Variants in GALNT10 observed in about 807,000 individuals in gnomAD.
GALNT10 encodes the protein GalNAc transferase 10.
GALNT10 carries 41 observed loss-of-function variants against 75.0 expected under a neutral mutation model. The observed-to-expected ratio is 0.55, with a 90% CI of 0.43 to 0.71. The LOEUF (loss-of-function observed/expected upper bound fraction) is 0.71. Among genes scored for constraint, GALNT10 ranks in the 30% least tolerant of loss-of-function variants. The pLI is 0.00. For missense variants in GALNT10, 727 were observed against 818.5 expected, an observed-to-expected ratio of 0.89 and a Z score of 1.36; for synonymous variants, 302 against 313.0, an observed-to-expected ratio of 0.96 and a Z score of 0.37.
At chr5:154,204,971 T>A (rs1775084472) in intron 1 of GALNT10, among the ~76,000 whole-genome samples, 1 of 152,244 alleles carries the variant, frequency 6.6e-6, no homozygotes, top group African/African-American at 2.4e-5. Context: ...ATTTGTTGAA[T>A]TAATGAATGA....
intron 1 of GALNT10, among the ~76,000 whole-genome samples, chr5:154,233,165 A>G (rs1371636010): frequency 6.6e-6 from 1 of 152,174 alleles, no homozygotes; most frequent in East Asian, 1.9e-4. Context: ...TGCTTAAAGG[A>G]CATTGTTAAT....
Position 154,293,118 on chromosome 5 carries a change from T to C in GALNT10, c.160-1698T>C, listed in dbSNP as rs568421642. ...CTGTTATAAAGATGTTGAGCCATTG[T>C]GGAAAACCTGCTAACACAGGGATCA... On this transcript the variant is annotated intron_variant, in intron 1 of 11. Transcript: ENST00000297107. 3.3e-5 allele frequency among the ~76,000 whole-genome samples: 5 copies of C among 152,340 alleles called. 1 individual carries two copies. The South Asian group carries it at 1.0e-3, about 32-fold the overall frequency.
chr5:154,398,124 A>G (rs554830985), intron 7 of GALNT10, among the ~76,000 whole-genome samples: 1 of 152,346 alleles, frequency 6.6e-6, no homozygotes, highest in Non-Finnish European at 1.5e-5. Flanking sequence ...TGCTTCTATG[A>G]GAAGACTGCC....
chr5:154,339,970 G>A (rs1010457309), intron 4 of GALNT10, among the ~76,000 whole-genome samples: 4 of 152,176 alleles, frequency 2.6e-5, no homozygotes, highest in South Asian at 4.2e-4. Flanking sequence ...AGCTGAGGCC[G>A]GATGTAAATT....
chr5:154,330,913 G>GTGTGTGTA (rs1754851748), intron 4 of GALNT10, among the ~76,000 whole-genome samples: 1 of 78,506 alleles, frequency 1.3e-5, no homozygotes, highest in Non-Finnish European at 3.1e-5. Flanking sequence ...GAGAGGGTGT[G>GTGTGTGTA]TGTGTGTGTG....
chr5:154,329,639 G>T lies in GALNT10; in HGVS notation c.469G>T (p.Gly157Cys). The T allele has an allele frequency of 6.2e-7, 1 of 1,613,664 alleles. No individual in the cohort carries two copies. The highest frequency in any genetic ancestry group is 8.5e-7 in the Non-Finnish European group (1 of 1,179,646). Reference protein sequence around the residue: ...TSIIIPFHNEGWSSLLRTVHS... With the variant: ...TSIIIPFHNECWSSLLRTVHS... ...CATCATCATCCCCTTCCACAACGAG[G>T]GCTGGTCCTCCCTCCTCCGCACCGT... Residue 157 changes from glycine to cysteine, a missense_variant, in exon 4 of 12, where the codon GGC becomes TGC. Transcript: ENST00000297107.
chr5:154,324,413 A>T (rs927318781), intron 3 of GALNT10, among the ~76,000 whole-genome samples: 51 of 152,352 alleles, frequency 3.3e-4, no homozygotes, highest in African/African-American at 1.2e-3. Context: ...TCAGCTGCAG[A>T]GTTCCTGGTA....
At chr5:154,301,121 A>G (rs1754350315) in intron 3 of GALNT10, among the ~76,000 whole-genome samples, 1 of 152,232 alleles carries the variant, frequency 6.6e-6, no homozygotes, top group Non-Finnish European at 1.5e-5. Flanking sequence ...TGGGATCCAC[A>G]GATGTGTCCC....
chr5:154,360,154 A>G (rs928383647), intron 4 of GALNT10, among the ~76,000 whole-genome samples: 1 of 152,176 alleles, frequency 6.6e-6, no homozygotes, highest in African/African-American at 2.4e-5. Flanking sequence ...GAATCTATTA[A>G]AAACTATGCA....
intron 1 of GALNT10, among the ~76,000 whole-genome samples, chr5:154,192,139 A>C (rs1774868889): frequency 6.6e-6 from 1 of 152,232 alleles, no homozygotes. Flanking sequence ...GCCTCGACGA[A>C]AGAGGCTGGC....
In GALNT10 at chr5:154,408,366, C is replaced by T. The variant is rs562478624; in HGVS notation, c.1165-1175C>T. 2.6e-4 allele frequency among the ~76,000 whole-genome samples: 40 copies of T among 152,146 alleles called. No individual in the cohort carries two copies. In the South Asian group the frequency reaches 7.9e-3, roughly 30 times the overall value. On this transcript the variant is annotated intron_variant, in intron 8 of 11. Transcript: ENST00000297107. Reference sequence around the variant, plus strand: ...TAGATTGCAATAGGGAAAAAACTTACGAAGGAGGTAAAACCGAAGAGTTAA... The same window carrying T: ...TAGATTGCAATAGGGAAAAAACTTATGAAGGAGGTAAAACCGAAGAGTTAA...
At chr5:154,296,378 G>A (rs1754272443) in intron 2 of GALNT10, among the ~76,000 whole-genome samples, 1 of 152,156 alleles carries the variant, frequency 6.6e-6, no homozygotes, top group Non-Finnish European at 1.5e-5. Flanking sequence ...TTACAGGTAT[G>A]AGCCACCATG....
intron 1 of GALNT10, among the ~76,000 whole-genome samples, chr5:154,272,694 C>G (rs1436785211): frequency 6.6e-6 from 1 of 152,236 alleles, no homozygotes; most frequent in Non-Finnish European, 1.5e-5. Flanking sequence ...AAAATAGGAA[C>G]GATAATAATA....
At chr5:154,413,956 A>C (rs541240038) in intron 10 of GALNT10, among the ~76,000 whole-genome samples, 9 of 152,220 alleles carry the variant, frequency 5.9e-5, no homozygotes, top group South Asian at 2.1e-4. Context: ...TCAAACTCTC[A>C]AAAGTCAATA....
At chr5:154,369,962 G>A (rs140084664) in intron 4 of GALNT10, among the ~76,000 whole-genome samples, 8 of 152,312 alleles carry the variant, frequency 5.3e-5, no homozygotes, top group East Asian at 1.9e-4. Flanking sequence ...TACTTTTGGC[G>A]CTCCTCAGTG....
chr5:154,238,077 C>T (rs7726756), intron 1 of GALNT10, among the ~76,000 whole-genome samples: 1,565 of 152,258 alleles, frequency 0.01, 25 homozygotes, highest in African/African-American at 0.036. Flanking sequence ...GAGTTACATA[C>T]GTAAGACATG....
intron 3 of GALNT10, among the ~76,000 whole-genome samples, chr5:154,319,265 C>G (rs1415190269): frequency 6.6e-6 from 1 of 152,144 alleles, no homozygotes; most frequent in Non-Finnish European, 1.5e-5. Context: ...AAAACAAATG[C>G]ACATGTGCAG....
chr5:154,206,548 G>A (rs13162739), intron 1 of GALNT10, among the ~76,000 whole-genome samples: 67,378 of 152,110 alleles, frequency 0.44, 15,778 homozygotes, highest in East Asian at 0.78. Flanking sequence ...CAAGAGGAAG[G>A]GAGCAGCACC....
intron 1 of GALNT10, among the ~76,000 whole-genome samples, chr5:154,217,215 C>T (rs1752888164): frequency 6.6e-6 from 1 of 152,156 alleles, no homozygotes; most frequent in Admixed American, 6.5e-5. Flanking sequence ...CTGGGTAGAC[C>T]TCTCTGACAC....
Sources: gnomAD v4.1 joint callset for allele counts (sites outside exome capture counted in the v4.1 genomes callset) on GRCh38, gnomAD v4.1.1 for gene constraint, MANE v1.5 for transcripts, NCBI Gene and HGNC (gene_info 2026-07-23, HGNC 2026-07-21) for gene names.